CYP4F11: variants seen among roughly 807,000 people sequenced by gnomAD.
CYP4F11 encodes the protein cytochrome P450 4F11.
In CYP4F11, 79 loss-of-function variants were observed where a neutral mutation model predicts 62.2. The ratio of observed to expected loss-of-function variants is 1.27; its 90% confidence interval spans 1.06 to 1.53. CYP4F11 has a LOEUF of 1.53. Among genes scored for constraint, CYP4F11 ranks in the 40% most tolerant of loss-of-function variants. CYP4F11 has a pLI of 0.00. For synonymous variants in CYP4F11, 290 were observed against 263.7 expected (o/e 1.10, Z -0.97); for missense variants, 777 against 680.5 (o/e 1.14, Z -1.58).
At chr19:15,921,050 TTCTGTCTCTCTCTCTCTCTCTCTCTCTC>T (rs1568482668) in intron 8 of CYP4F11, among the ~76,000 whole-genome samples, 2 of 38,114 alleles carry the variant, frequency 5.2e-5, no homozygotes, top group Admixed American at 2.5e-4. Flanking sequence ...CTCTCTCTCT[TTCTGTCTCTCTCTCTCTCTCTCTCTCTC>T]TCTCTCTCTC....
chr19:15,915,813 T>C (rs1156669873), intron 8 of CYP4F11, among the ~76,000 whole-genome samples: 2 of 152,016 alleles, frequency 1.3e-5, no homozygotes, highest in South Asian at 2.1e-4. Context: ...ACTTGAGTAA[T>C]CTAAACATTG....
chr19:15,930,772 C>T (rs1034024831), intron 1 of CYP4F11, among the ~76,000 whole-genome samples: 3 of 152,104 alleles, frequency 2.0e-5, no homozygotes, highest in African/African-American at 7.2e-5. Context: ...CAGGACATGT[C>T]CCTGAGGCTG....
intron 8 of CYP4F11, among the ~76,000 whole-genome samples, chr19:15,915,167 G>A (rs1267909960): frequency 3.9e-5 from 6 of 152,122 alleles, no homozygotes; most frequent in Non-Finnish European, 8.8e-5. Flanking sequence ...TGGCCTAAAG[G>A]TAAATATCCT....
intron 2 of CYP4F11, among the ~76,000 whole-genome samples, chr19:15,929,174 T>C (rs886204281): frequency 1.3e-5 from 2 of 152,228 alleles, no homozygotes; most frequent in African/African-American, 4.8e-5. Context: ...TCCAGATCCA[T>C]TTCCTCAAGC....
chr19:15,925,699 T>C (rs28578001), intron 4 of CYP4F11, among the ~76,000 whole-genome samples: 2 of 141,902 alleles, frequency 1.4e-5, no homozygotes, highest in South Asian at 2.3e-4. Context: ...TGTATATATA[T>C]ATACACACAC....
chr19:15,918,096 C>T (rs1208865758), intron 8 of CYP4F11, among the ~76,000 whole-genome samples: 1 of 152,180 alleles, frequency 6.6e-6, no homozygotes, highest in South Asian at 2.1e-4. Flanking sequence ...CCATGGAATA[C>T]TATGCAGCCA....
At position 15,922,067 on chromosome 19, in the gene CYP4F11, A is replaced by C; in HGVS notation, c.1085T>G (p.Leu362Arg). ...AATCTCTATAGGTTCACGGTCCTTC[A>C]GAAGCTCTTGCACTTCTTGCCGGCA... is the stretch of plus-strand genomic sequence containing the variant. ...EQCRQEVQELLKDREPIEIEW... is the reference protein window; with the variant it reads ...EQCRQEVQELRKDREPIEIEW... The change falls in exon 8 of 12, where the codon CTG becomes CGG. Residue 362 changes from leucine to arginine, a missense_variant. By Grantham distance (102) the Leu-to-Arg change is moderately radical (BLOSUM62 -2). Transcript: ENST00000402119. 1 of 1,613,476 alleles carries C rather than the reference A, an allele frequency of 6.2e-7. No homozygotes were observed. Among genetic ancestry groups the C allele is most frequent in the Non-Finnish European group, 8.5e-7 (1 of 1,179,610 alleles).
Position 15,913,744 on chromosome 19 carries a change from C to T in CYP4F11, c.1563G>A (p.Ala521=), listed in dbSNP as rs1296561213. Reference sequence around the variant, plus strand: ...GTGGGTAGGACAGTCACTGTGAGTTCGCACCCAGGGGCTCCACCCGCAGCC... The same window carrying T: ...GTGGGTAGGACAGTCACTGTGAGTTTGCACCCAGGGGCTCCACCCGCAGCC... ...GLWLRVEPLG[A]NSQ The change falls in exon 12 of 12, where the codon GCG becomes GCA. Residue 521 remains alanine (A), a synonymous_variant. Coordinates refer to ENST00000402119, the MANE Select transcript of CYP4F11 (RefSeq NM_021187.4). The T allele has an allele frequency of 3.1e-6, 5 of 1,614,004 alleles. No homozygotes were observed. Among genetic ancestry groups the T allele is most frequent in the Admixed American group, 1.7e-5 (1 of 60,000 alleles).
Position 15,913,672 on chromosome 19 carries a change from G to A in CYP4F11, c.*60C>T. On this transcript the variant is annotated 3_prime_UTR_variant, in exon 12 of 12. Transcript: ENST00000402119. ...GCTGGCTGTCAACGAGGCTCAAGCAGAGGTGTCAGCATAGTTTTGTTTCTG... is the reference window on the plus strand; with the variant it reads ...GCTGGCTGTCAACGAGGCTCAAGCAAAGGTGTCAGCATAGTTTTGTTTCTG... The A allele has an allele frequency of 6.3e-7, 1 of 1,599,690 alleles. No individual in the cohort carries two copies. Among genetic ancestry groups the A allele is most frequent in the Non-Finnish European group, 8.6e-7 (1 of 1,169,010 alleles).
chr19:15,916,342 T>G (rs1400623924), intron 8 of CYP4F11, among the ~76,000 whole-genome samples: 2 of 152,012 alleles, frequency 1.3e-5, no homozygotes, highest in Admixed American at 6.6e-5. Context: ...AATAAAATAT[T>G]AGAGAAAAGC....
chr19:15,924,114 C>A, intron 5 of CYP4F11, 32 bp from the exon 6 acceptor site: 1 of 1,601,534 alleles, frequency 6.2e-7, no homozygotes, highest in Non-Finnish European at 8.5e-7. Context: ...TTAACATATG[C>A]AAAGTCCCAG....
intron 2 of CYP4F11, chr19:15,927,712 CAT>C: frequency 1.7e-6 from 1 of 589,840 alleles, no homozygotes; most frequent in South Asian, 2.1e-5. Context: ...CACACAGTGA[CAT>C]ATCTCCTACA....
At position 15,916,973 on chromosome 19, in the gene CYP4F11, G is replaced by A. The variant is rs562249864; in HGVS notation, c.1116-2078C>T. Among the ~76,000 whole-genome samples the A allele has an allele frequency of 3.9e-5, 6 of 152,204 alleles. No homozygotes were observed. In the South Asian group the frequency reaches 6.2e-4, roughly 16 times the overall value. On this transcript the variant is annotated intron_variant, in intron 8 of 11. Coordinates refer to ENST00000402119, the MANE Select transcript of CYP4F11 (RefSeq NM_021187.4). ...TTATATGAAAAAGACACATGCACAC[G>A]CATGCTTATAGTAGCACAATTCACA...
chr19:15,931,629 G>A (rs1291618472), intron 1 of CYP4F11, among the ~76,000 whole-genome samples: 138 of 69,272 alleles, frequency 2.0e-3, no homozygotes, highest in African/African-American at 5.3e-3. Context: ...AGCGAGGAGA[G>A]GAATGAGTGA....
intron 10 of CYP4F11, 107 bp from the exon 11 acceptor site, chr19:15,914,494 G>A: frequency 6.5e-7 from 1 of 1,542,732 alleles, no homozygotes. Flanking sequence ...TGGCAGATGT[G>A]TCTCCATTGA....
chr19:15,918,971 T>C (rs1181473465), intron 8 of CYP4F11, among the ~76,000 whole-genome samples: 3 of 148,212 alleles, frequency 2.0e-5, no homozygotes, highest in Non-Finnish European at 3.0e-5. Flanking sequence ...CACTGTCGAG[T>C]GGCAAAAATA....
Position 15,924,744 on chromosome 19 carries a change from C to G in CYP4F11, c.647+17G>C, listed in dbSNP as rs1170292822. Reference sequence around the variant, plus strand: ...GGGTTCCAGGCCCAAGTTCTCAGGTCCTAGGAAAGGACTCACTCCTGACAA... The same window carrying G: ...GGGTTCCAGGCCCAAGTTCTCAGGTGCTAGGAAAGGACTCACTCCTGACAA... On this transcript the variant is annotated intron_variant, in intron 5 of 11. Coordinates refer to ENST00000402119, the MANE Select transcript of CYP4F11 (RefSeq NM_021187.4). 8 of 1,605,696 alleles carry G rather than the reference C, an allele frequency of 5.0e-6. No individual in the cohort carries two copies. In the South Asian group the frequency reaches 5.5e-5, roughly 11 times the overall value.
At chr19:15,914,414 T>G (rs2089565513) in intron 10 of CYP4F11, 27 bp from the exon 11 acceptor site, 1 of 1,608,312 alleles carries the variant, frequency 6.2e-7, no homozygotes, top group Admixed American at 1.7e-5. Flanking sequence ...GAAGGCTTGC[T>G]GGGTGGGGTC....
At chr19:15,924,966 T>G (rs2089657958) in intron 4 of CYP4F11, 84 bp from the exon 5 acceptor site, 3 of 1,450,188 alleles carry the variant, frequency 2.1e-6, no homozygotes, top group Admixed American at 2.3e-5. Context: ...ATGGACTCCC[T>G]GCAATCATCC....
Sources: gnomAD v4.1 joint callset for allele counts (sites outside exome capture counted in the v4.1 genomes callset) on GRCh38, gnomAD v4.1.1 for gene constraint, MANE v1.5 for transcripts, NCBI Gene and HGNC (gene_info 2026-07-23, HGNC 2026-07-21) for gene names.